ACTN4: variants seen among roughly 807,000 people sequenced by gnomAD.
ACTN4 encodes alpha-actinin-4.
In ACTN4, 18 loss-of-function variants were observed where a neutral mutation model predicts 114.2. That is an observed-to-expected ratio of 0.16 (90% confidence interval 0.11 to 0.23). ACTN4 has a LOEUF of 0.23. Ranked by LOEUF, ACTN4 falls within the 10% of genes least tolerant of loss-of-function variation. ACTN4 has a pLI of 1.00. For synonymous variants in ACTN4, 515 were observed against 506.3 expected, an observed-to-expected ratio of 1.02 and a Z score of -0.23; for missense variants, 722 against 1,262.9, an observed-to-expected ratio of 0.57 and a Z score of 6.49.
At chr19:38,715,851 C>G (rs550798209) in intron 9 of ACTN4, among the ~76,000 whole-genome samples, 1 of 152,354 alleles carries the variant, frequency 6.6e-6, no homozygotes, top group African/African-American at 2.4e-5. Context: ...TTGGGAACCA[C>G]TTCTCCAGCT....
intron 1 of ACTN4, among the ~76,000 whole-genome samples, chr19:38,690,872 A>ATT (rs1967901495): frequency 6.6e-6 from 1 of 152,232 alleles, no homozygotes; most frequent in Admixed American, 6.5e-5. Flanking sequence ...GATTCTCCAA[A>ATT]TTATGTACAT....
Position 38,717,850 on chromosome 19 carries a change from T to G in ACTN4, c.1144-77T>G. ...CCAGCCAAGTTCTGCCACCTTCCCA[T>G]CAGCATCCCTTGGAGACATCCCCCT... is the stretch of plus-strand genomic sequence containing the variant. On this transcript the variant is annotated intron_variant, in intron 10 of 20. Transcript: ENST00000252699. This position sits in a 1 kb window ranked among gnomAD's most constrained non-coding sequence, Gnocchi z 4.0. 6.5e-7 allele frequency: 1 copy of G among 1,541,998 alleles called. No individual in the cohort carries two copies. Among genetic ancestry groups the G allele is most frequent in the South Asian group, 1.2e-5 (1 of 83,756 alleles).
chr19:38,652,786 G>T (rs1976603737), intron 1 of ACTN4, among the ~76,000 whole-genome samples: 1 of 152,176 alleles, frequency 6.6e-6, no homozygotes, highest in African/African-American at 2.4e-5. Context: ...AGGGAGGTCA[G>T]TTAAAATGTG....
At chr19:38,716,978 G>A (rs1968863005) in intron 9 of ACTN4, 108 bp from the exon 10 acceptor site, 1 of 1,258,972 alleles carries the variant, frequency 7.9e-7, no homozygotes, top group Non-Finnish European at 1.1e-6. Context: ...AACCCCCTAA[G>A]GTGGGGCCCT....
chr19:38,729,749 G>C lies in ACTN4; in HGVS notation c.*317G>C, dbSNP rs116093917. Reference sequence around the variant, plus strand: ...CACAACCGGTCCCTTCCATGCCCTGGGATGCCTCACCACACCCAGGTCTCT... The same window carrying C: ...CACAACCGGTCCCTTCCATGCCCTGCGATGCCTCACCACACCCAGGTCTCT... On this transcript the variant is annotated 3_prime_UTR_variant, in exon 21 of 21. Transcript: ENST00000252699. 1 of 553,132 alleles carries C rather than the reference G, an allele frequency of 1.8e-6. No individual in the cohort carries two copies. The highest frequency in any genetic ancestry group is 1.9e-5 in the African/African-American group (1 of 53,552). 34.3% of individuals were successfully genotyped at this position (553,132 alleles called of 1,614,324 possible). A position where few individuals can be genotyped will look rare whatever the true frequency, so the allele number is the denominator to read the frequency against.
intron 1 of ACTN4, among the ~76,000 whole-genome samples, chr19:38,661,762 C>G (rs893395960): frequency 6.6e-6 from 1 of 152,240 alleles, no homozygotes; most frequent in Non-Finnish European, 1.5e-5. Flanking sequence ...ACGCCATTCT[C>G]CTGCCTCAGC....
rs150250918 is a variant in ACTN4, at chr19:38,680,952, C to T, written c.163-19648C>T. On this transcript the variant is annotated intron_variant, in intron 1 of 20. Transcript: ENST00000252699. ...ACCAGCCTGGCCAACATGGTGAAAC[C>T]CCGTCTCTACTAAAAATACAAAACT... is the stretch of plus-strand genomic sequence containing the variant. Among the ~76,000 whole-genome samples the T allele has an allele frequency of 2.6e-5, 4 of 151,690 alleles. No individual in the cohort carries two copies. In the East Asian group the frequency reaches 7.8e-4, roughly 29 times the overall value.
chr19:38,671,017 C>CTCT (rs1967111668), intron 1 of ACTN4, among the ~76,000 whole-genome samples: 1 of 151,972 alleles, frequency 6.6e-6, no homozygotes, highest in Admixed American at 6.6e-5. Context: ...ATGGTCTTGA[C>CTCT]CCTGTCTCTG....
chr19:38,661,119 C>CT, intron 1 of ACTN4, among the ~76,000 whole-genome samples: 1 of 152,186 alleles, frequency 6.6e-6, no homozygotes, highest in Non-Finnish European at 1.5e-5. Flanking sequence ...TTGCTTAGAG[C>CT]TGTGTTGTTA....
intron 11 of ACTN4, among the ~76,000 whole-genome samples, chr19:38,720,121 GGTC>G (rs908138255): frequency 5.9e-5 from 9 of 152,226 alleles, no homozygotes; most frequent in Admixed American, 2.0e-4. Context: ...CCCAGGGTCT[GGTC>G]GTAGCGGCCT....
Position 38,730,588 on chromosome 19 carries a change from G to A in ACTN4, c.*1156G>A. The stretch of plus-strand genomic sequence containing the variant: ...TGTGTCTGTCCTCCACCTTCTAGGA[G>A]AGCCAGGGCAGAGCTAGCACTGTCT... On this transcript the variant is annotated 3_prime_UTR_variant, in exon 21 of 21. Transcript: ENST00000252699. 3.6e-6 allele frequency: 2 copies of A among 562,666 alleles called. No homozygotes were observed. The highest frequency in any genetic ancestry group is 6.4e-6 in the Non-Finnish European group (2 of 314,912). 34.9% of individuals were successfully genotyped at this position (562,666 alleles called of 1,614,324 possible). A position where few individuals can be genotyped will look rare whatever the true frequency, so the allele number is the denominator to read the frequency against.
intron 1 of ACTN4, among the ~76,000 whole-genome samples, chr19:38,664,057 G>A (rs928518857): frequency 3.3e-5 from 5 of 152,310 alleles, no homozygotes; most frequent in South Asian, 2.1e-4. Context: ...CAGCCGGAAC[G>A]GCCGCCCTGT....
chr19:38,660,908 G>A (rs1355613604), intron 1 of ACTN4, among the ~76,000 whole-genome samples: 1 of 152,144 alleles, frequency 6.6e-6, no homozygotes, highest in Non-Finnish European at 1.5e-5. Context: ...GGAGGAGTGT[G>A]CAGTGCAGGT....
At chr19:38,670,739 A>G (rs988228916) in intron 1 of ACTN4, among the ~76,000 whole-genome samples, 1 of 152,048 alleles carries the variant, frequency 6.6e-6, no homozygotes, top group Non-Finnish European at 1.5e-5. Flanking sequence ...CCTGGCCAAC[A>G]TGGTGAAACC....
chr19:38,708,229 G>A, intron 6 of ACTN4, 34 bp downstream of exon 6: 1 of 1,609,768 alleles, frequency 6.2e-7, no homozygotes, highest in Non-Finnish European at 8.5e-7. Context: ...ATGGCCCACA[G>A]ACGTGCCCTG....
intron 19 of ACTN4, chr19:38,728,246 G>A: frequency 6.7e-7 from 1 of 1,490,642 alleles, no homozygotes; most frequent in Middle Eastern, 1.7e-4. Flanking sequence ...TGCCTGCTGT[G>A]CACATGGGGC....
chr19:38,700,772 G>T, intron 2 of ACTN4, 58 bp downstream of exon 2: 1 of 1,514,474 alleles, frequency 6.6e-7, no homozygotes, highest in Non-Finnish European at 9.1e-7. Context: ...CTGCCACAGC[G>T]GTCCCCAGAG....
intron 2 of ACTN4, 57 bp from the exon 3 acceptor site, chr19:38,700,943 CCT>C: frequency 6.2e-7 from 1 of 1,602,678 alleles, no homozygotes; most frequent in South Asian, 1.1e-5. Flanking sequence ...TCCCTCTCGC[CCT>C]CTCTCCCTTT....
chr19:38,647,997 C>T, intron 1 of ACTN4, 90 bp downstream of exon 1: 1 of 1,345,882 alleles, frequency 7.4e-7, no homozygotes, highest in Non-Finnish European at 9.6e-7. Flanking sequence ...ACTGGAGCGT[C>T]TGTGATGGGA....
Sources: gnomAD v4.1 joint callset for allele counts (sites outside exome capture counted in the v4.1 genomes callset) on GRCh38, gnomAD v4.1.1 for gene constraint, Gnocchi (gnomAD v3.1) non-coding constraint, MANE v1.5 for transcripts, NCBI Gene and HGNC (gene_info 2026-07-23, HGNC 2026-07-21) for gene names.